Variants in HNRNPA2B1 observed in about 807,000 individuals in gnomAD.
HNRNPA2B1 encodes heterogeneous nuclear ribonucleoproteins A2/B1.
A neutral mutation model predicts 46.3 loss-of-function variants in HNRNPA2B1; 3 were observed. That is an observed-to-expected ratio of 0.06 (90% CI 0.03 to 0.17). HNRNPA2B1 has a LOEUF of 0.17. Ranked by LOEUF, HNRNPA2B1 falls within the 10% of genes least tolerant of loss-of-function variation. HNRNPA2B1 has a pLI of 1.00. For missense variants in HNRNPA2B1, 221 were observed against 418.9 expected (o/e 0.53, Z 4.12); for synonymous variants, 225 against 133.8 (o/e 1.68, Z -4.70).
chr7:26,197,160 A>G, intron 3 of HNRNPA2B1, 143 bp from the exon 4 acceptor site: 1 of 1,164,916 alleles, frequency 8.6e-7, no homozygotes, highest in Non-Finnish European at 1.2e-6. Context: ...CTAGCTTTTG[A>G]AAAATAAGCT....
intron 4 of HNRNPA2B1, 57 bp downstream of exon 4, chr7:26,196,750 C>CA: frequency 6.4e-7 from 1 of 1,567,282 alleles, no homozygotes; most frequent in Non-Finnish European, 8.8e-7. Context: ...CAGATGTTAA[C>CA]ATACACAAAA....
At position 26,200,742 on chromosome 7, in the gene HNRNPA2B1, C is replaced by A; in HGVS notation, c.-165G>T. 2 of 832,760 alleles carry A rather than the reference C, an allele frequency of 2.4e-6. No homozygotes were observed. Among genetic ancestry groups the A allele is most frequent in the South Asian group, 1.4e-5 (1 of 71,516 alleles). The allele number at this position is 832,760 out of a possible 1,614,324, so 51.6% of individuals were successfully genotyped here. Reference sequence around the variant, plus strand: ...CTCCGCACGGGACCCGGCGCTGCTGCTACTGCCGCTAGAGCCGCTGCCGCC... The same window carrying A: ...CTCCGCACGGGACCCGGCGCTGCTGATACTGCCGCTAGAGCCGCTGCCGCC... On this transcript the variant is annotated 5_prime_UTR_variant, in exon 1 of 11. Coordinates refer to ENST00000618183, the MANE Select transcript of HNRNPA2B1 (RefSeq NM_002137.4).
rs188915389 is a variant in HNRNPA2B1 at position 26,195,140 on chromosome 7, T to C, written c.721+707A>G. Among the ~76,000 whole-genome samples, 16 of 145,662 alleles carry C rather than the reference T, an allele frequency of 1.1e-4. No homozygotes were observed. The East Asian group carries it at 1.4e-3, about 12-fold the overall frequency. ...CCATATTAAAAAAAAAAAAAAAGCT[T>C]GTGGGCTGAGTCTCTAACTTGTAGT... is the stretch of plus-strand genomic sequence containing the variant. On this transcript the variant is annotated intron_variant, in intron 7 of 10. Coordinates refer to ENST00000618183, the MANE Select transcript of HNRNPA2B1 (RefSeq NM_002137.4).
Position 26,196,677 on chromosome 7 carries a change from A to G in HNRNPA2B1, c.476-19T>C, listed in dbSNP as rs769456701. On this transcript the variant is annotated intron_variant, in intron 4 of 10. Coordinates refer to ENST00000618183, the MANE Select transcript of HNRNPA2B1 (RefSeq NM_002137.4). ...TTCTGCACTGGAATGAAAAATTCAG[A>G]CTCCTTTTAAATTAAATCAACAATA... 2.5e-6 allele frequency: 4 copies of G among 1,598,406 alleles called. No individual in the cohort carries two copies. Among genetic ancestry groups the G allele is most frequent in the Admixed American group, 1.7e-5 (1 of 59,404 alleles).
chr7:26,196,712 T>C, intron 4 of HNRNPA2B1, 54 bp from the exon 5 acceptor site: 3 of 1,572,580 alleles, frequency 1.9e-6, no homozygotes, highest in Non-Finnish European at 8.7e-7. Context: ...ATTAAGCAGC[T>C]TCAAAAGTTT....
At chr7:26,192,694 A>C in intron 9 of HNRNPA2B1, 117 bp from the exon 10 acceptor site, 2 of 831,448 alleles carry the variant, frequency 2.4e-6, no homozygotes, top group African/African-American at 1.7e-5. Flanking sequence ...GCAGATCCTA[A>C]TCCTTTGCAG....
chr7:26,200,379 G>A (rs1323974447), intron 1 of HNRNPA2B1, 193 bp downstream of exon 1: 11 of 660,254 alleles, frequency 1.7e-5, no homozygotes, highest in Admixed American at 6.9e-5. Context: ...GCGCCGGGAG[G>A]CTGAGGGTGG....
At chr7:26,198,455 T>C (rs1206857467) in intron 1 of HNRNPA2B1, 1 of 152,524 alleles carries the variant, frequency 6.6e-6, no homozygotes, top group East Asian at 1.9e-4. Context: ...GGTGGACATG[T>C]CTATATTTGA....
At chr7:26,199,605 A>T (rs941649266) in intron 1 of HNRNPA2B1, 3 of 152,206 alleles carry the variant, frequency 2.0e-5, no homozygotes, top group African/African-American at 7.2e-5. Flanking sequence ...TAAGAACAGT[A>T]AAGGATTCTG....
intron 7 of HNRNPA2B1, among the ~76,000 whole-genome samples, chr7:26,194,661 C>CCAG (rs1049680840): frequency 2.0e-5 from 3 of 151,934 alleles, no homozygotes; most frequent in African/African-American, 7.3e-5. Context: ...CCACTGCACT[C>CCAG]CAGTCTGAGC....
rs1782749054 is a variant in HNRNPA2B1, at chr7:26,190,273, A to T, written c.*2087T>A. 1 of 152,648 alleles carries T rather than the reference A, an allele frequency of 6.6e-6. No individual in the cohort carries two copies. The highest frequency in any genetic ancestry group is 1.5e-5 in the Non-Finnish European group (1 of 68,024). 9.5% of individuals were successfully genotyped at this position (152,648 alleles called of 1,614,324 possible). A position where few individuals can be genotyped will look rare whatever the true frequency, so the allele number is the denominator to read the frequency against. On this transcript the variant is annotated 3_prime_UTR_variant, in exon 11 of 11. Coordinates refer to ENST00000618183, the MANE Select transcript of HNRNPA2B1 (RefSeq NM_002137.4). Reference sequence around the variant, plus strand: ...TTTTACAAACAACACTCATTTTGTAATTGTTTTATATCAAGAACCTCAACT... The same window carrying T: ...TTTTACAAACAACACTCATTTTGTATTTGTTTTATATCAAGAACCTCAACT...
intron 1 of HNRNPA2B1, 157 bp from the exon 2 acceptor site, chr7:26,197,889 C>T: frequency 6.4e-7 from 1 of 1,569,178 alleles, no homozygotes; most frequent in East Asian, 2.2e-5. Context: ...AAAAAACTTA[C>T]ATCAAATTTA....
chr7:26,198,744 G>C (rs1419985002), intron 1 of HNRNPA2B1: 1 of 152,226 alleles, frequency 6.6e-6, no homozygotes, highest in Admixed American at 6.5e-5. Context: ...TCAAACGAGA[G>C]AAAGTGATAT....
Position 26,192,350 on chromosome 7 carries a change from G to A in HNRNPA2B1, c.*22-12C>T. ...TTATACAGTGAAGCCTGTTTCAACA[G>A]AAGTAAAGAGTAAAAAAAAAATAGG... is the stretch of plus-strand genomic sequence containing the variant. On this transcript the variant is annotated splice_polypyrimidine_tract_variant and intron_variant, in intron 10 of 10. Transcript: ENST00000618183. 1 of 628,956 alleles carries A rather than the reference G, an allele frequency of 1.6e-6. No homozygotes were observed. Among genetic ancestry groups the A allele is most frequent in the Non-Finnish European group, 2.8e-6 (1 of 355,350 alleles). 39.0% of individuals were successfully genotyped at this position (628,956 alleles called of 1,614,324 possible).
chr7:26,199,264 C>T (rs942528807), intron 1 of HNRNPA2B1: 2 of 152,564 alleles, frequency 1.3e-5, no homozygotes, highest in South Asian at 4.1e-4. Flanking sequence ...TGCTTAGGGT[C>T]AAAGAAAATA....
At chr7:26,200,478 C>G (rs1484482344) in intron 1 of HNRNPA2B1, 94 bp downstream of exon 1, 3 of 1,281,274 alleles carry the variant, frequency 2.3e-6, no homozygotes, top group Admixed American at 3.4e-5. Flanking sequence ...GATTTCCTGC[C>G]TCTCTCCCAC....
At chr7:26,193,017 A>G (rs1001763663) in intron 9 of HNRNPA2B1, among the ~76,000 whole-genome samples, 9 of 152,140 alleles carry the variant, frequency 5.9e-5, no homozygotes, top group African/African-American at 1.9e-4. Flanking sequence ...TCCCCACCAG[A>G]AATTAAACTA....
At chr7:26,197,783 T>C (rs759151768) in intron 1 of HNRNPA2B1, 51 bp from the exon 2 acceptor site, 2 of 1,596,272 alleles carry the variant, frequency 1.3e-6, no homozygotes. Flanking sequence ...CCTCTTTGTA[T>C]GCAGGAAATT....
rs529241478 is a variant in HNRNPA2B1 at position 26,200,672 on chromosome 7, T to C, written c.-95A>G. On this transcript the variant is annotated 5_prime_UTR_variant, in exon 1 of 11. Transcript: ENST00000618183. ...ACGAACCGGACTCGTCCTGGCGCTG[T>C]AGTGAGAACTGCCGCTGCTCGAGAA... The C allele has an allele frequency of 2.7e-6, 4 of 1,475,270 alleles. No individual in the cohort carries two copies. The highest frequency in any genetic ancestry group is 1.1e-5 in the South Asian group (1 of 88,276). The allele number at this position is 1,475,270 out of a possible 1,614,324, so 91.4% of individuals were successfully genotyped here.
Sources: allele counts gnomAD v4.1 joint callset (sites outside exome capture counted in the v4.1 genomes callset), GRCh38; gene constraint gnomAD v4.1.1; transcripts MANE v1.5; gene names NCBI Gene and HGNC (gene_info 2026-07-23, HGNC 2026-07-21).